The following PLD1 variants were observed in gnomAD, a reference collection of about 807,000 sequenced individuals.
PLD1 encodes phospholipase D1.
PLD1 carries 112 observed loss-of-function variants against 137.1 expected under a neutral mutation model. That is an observed-to-expected ratio of 0.82 (90% CI 0.70 to 0.96). PLD1 has a LOEUF of 0.96. Ranked by LOEUF, PLD1 falls within the 40% of genes least tolerant of loss-of-function variation. PLD1 has a pLI of 0.00. For missense variants in PLD1, 1,321 were observed against 1,342.0 expected, an observed-to-expected ratio of 0.98 and a Z score of 0.24; for synonymous variants, 431 against 454.7, an observed-to-expected ratio of 0.95 and a Z score of 0.66.
intron 1 of PLD1, chr3:171,793,050 G>C: frequency 1.8e-5 from 4 of 226,864 alleles, no homozygotes; most frequent in South Asian, 1.2e-4. Context: ...AGTGAAATTT[G>C]CGTGATCTCC....
intron 19 of PLD1, among the ~76,000 whole-genome samples, chr3:171,666,493 T>C (rs1288998456): frequency 6.6e-6 from 1 of 152,254 alleles, no homozygotes; most frequent in Non-Finnish European, 1.5e-5. Context: ...TTATTACAAC[T>C]CAAGGTGAGA....
Position 171,620,768 on chromosome 3 carries a change from ATT to A in PLD1, c.2594-250_2594-249del, listed in dbSNP as rs1491153068. On this transcript the variant is annotated intron_variant, in intron 23 of 26. Coordinates refer to ENST00000351298, the MANE Select transcript of PLD1 (RefSeq NM_002662.5). Reference sequence around the variant, plus strand: ...TATATATATATATATATATATATATATTATATATATTTTTTTTTTAATTGAAG... The same window carrying A: ...TATATATATATATATATATATATATAATATATATTTTTTTTTTAATTGAAG... Among the ~76,000 whole-genome samples, 201 of 97,892 alleles carry A rather than the reference ATT, an allele frequency of 2.1e-3. 1 individual carries two copies. Among genetic ancestry groups the A allele is most frequent in the East Asian group, 9.9e-3 (31 of 3,142 alleles). 64.2% of individuals were successfully genotyped at this position (97,892 alleles called of 152,430 possible).
intron 24 of PLD1, among the ~76,000 whole-genome samples, chr3:171,615,881 G>A (rs959942788): frequency 3.6e-4 from 55 of 152,166 alleles, no homozygotes; most frequent in African/African-American, 1.3e-3. Context: ...TCTGTATGTA[G>A]GCGTGGGTTG....
At chr3:171,763,945 T>C (rs1721630147) in intron 1 of PLD1, among the ~76,000 whole-genome samples, 1 of 151,248 alleles carries the variant, frequency 6.6e-6, no homozygotes, top group Non-Finnish European at 1.5e-5. Flanking sequence ...TCAGACATCA[T>C]TAGGTAAATG....
chr3:171,692,110 T>C (rs1715220258), intron 13 of PLD1, among the ~76,000 whole-genome samples: 1 of 152,142 alleles, frequency 6.6e-6, no homozygotes, highest in South Asian at 2.1e-4. Flanking sequence ...TCACTTTCAA[T>C]TATCAGAGTC....
At position 171,737,561 on chromosome 3, in the gene PLD1, C is replaced by T. The variant is rs777673202; in HGVS notation, c.259G>A (p.Glu87Lys). 1.2e-6 allele frequency: 2 copies of T among 1,612,056 alleles called. No individual in the cohort carries two copies. The highest frequency in any genetic ancestry group is 1.7e-6 in the Non-Finnish European group (2 of 1,179,530). ...SGCPIKAQVLEVERFTSTTRV... is the reference protein window; with the variant it reads ...SGCPIKAQVLKVERFTSTTRV... Reference sequence around the variant, plus strand: ...GTTGTAGATGTGAAGCGTTCCACTTCCAGAACTTGTGCTTTTATTGGACAG... The same window carrying T: ...GTTGTAGATGTGAAGCGTTCCACTTTCAGAACTTGTGCTTTTATTGGACAG... Residue 87 changes from glutamate (E) to lysine (K), a missense_variant, in exon 3 of 27, where the codon GAA (glutamate) becomes AAA (lysine). Glu to Lys is a moderately conservative substitution (Grantham distance 56). Transcript: ENST00000351298.
At chr3:171,631,232 T>C (rs546018294) in intron 23 of PLD1, among the ~76,000 whole-genome samples, 7 of 152,078 alleles carry the variant, frequency 4.6e-5, no homozygotes, top group Admixed American at 6.6e-5. Flanking sequence ...CTCTAGTAAG[T>C]AGATTCATTT....
At chr3:171,628,521 A>G (rs1734345621) in intron 23 of PLD1, among the ~76,000 whole-genome samples, 1 of 152,194 alleles carries the variant, frequency 6.6e-6, no homozygotes, top group Admixed American at 6.5e-5. Context: ...TGAGGCCAGC[A>G]TCATCCTGAT....
At chr3:171,730,219 A>AT (rs1244755844) in intron 6 of PLD1, among the ~76,000 whole-genome samples, 1 of 152,132 alleles carries the variant, frequency 6.6e-6, no homozygotes, top group Non-Finnish European at 1.5e-5. Flanking sequence ...CTTGTTTGAG[A>AT]TTTTTTTGTA....
At chr3:171,667,701 C>T (rs1335671902) in intron 19 of PLD1, among the ~76,000 whole-genome samples, 1 of 152,168 alleles carries the variant, frequency 6.6e-6, no homozygotes, top group African/African-American at 2.4e-5. Context: ...GTATCCATAG[C>T]TAATTAACCT....
At chr3:171,782,494 C>T (rs1357031477) in intron 1 of PLD1, among the ~76,000 whole-genome samples, 4 of 152,174 alleles carry the variant, frequency 2.6e-5, no homozygotes, top group Non-Finnish European at 1.5e-5. Context: ...ATGCCTGCAA[C>T]TTACTTTAAA....
intron 1 of PLD1, among the ~76,000 whole-genome samples, chr3:171,766,060 C>A (rs897892507): frequency 6.6e-6 from 1 of 152,158 alleles, no homozygotes; most frequent in Non-Finnish European, 1.5e-5. Flanking sequence ...TAAAATGATT[C>A]TGTCCTTTAT....
chr3:171,652,287 C>A (rs936103689), intron 21 of PLD1, among the ~76,000 whole-genome samples: 1 of 151,990 alleles, frequency 6.6e-6, no homozygotes, highest in African/African-American at 2.4e-5. Context: ...GTGGCAGGCA[C>A]CTGTAGTCCC....
chr3:171,642,748 T>G (rs1735873797), intron 23 of PLD1, 92 bp downstream of exon 23: 1 of 725,680 alleles, frequency 1.4e-6, no homozygotes, highest in Non-Finnish European at 2.4e-6. Flanking sequence ...ATAAACAGAG[T>G]TCTATAATCA....
intron 24 of PLD1, among the ~76,000 whole-genome samples, chr3:171,616,616 TG>T (rs780105642): frequency 1.3e-5 from 2 of 152,148 alleles, no homozygotes; most frequent in Non-Finnish European, 2.9e-5. Context: ...TTGAGACTTT[TG>T]GGGATTTTCA....
intron 8 of PLD1, among the ~76,000 whole-genome samples, chr3:171,718,389 G>A (rs138255652): frequency 1.0e-3 from 153 of 152,202 alleles, no homozygotes; most frequent in Middle Eastern, 3.4e-3. Flanking sequence ...TCTATAAGAC[G>A]TACAAAGAAG....
chr3:171,606,224 C>A (rs959556203), intron 25 of PLD1, among the ~76,000 whole-genome samples: 5 of 152,126 alleles, frequency 3.3e-5, no homozygotes, highest in Non-Finnish European at 5.9e-5. Context: ...TTGTCTTGAG[C>A]AACTATAATA....
At chr3:171,646,882 G>A (rs1181955345) in intron 21 of PLD1, among the ~76,000 whole-genome samples, 1 of 152,116 alleles carries the variant, frequency 6.6e-6, no homozygotes, top group Non-Finnish European at 1.5e-5. Context: ...CCTTTGTTCA[G>A]AGGTACACCT....
At chr3:171,788,555 AAG>A (rs1340767141) in intron 1 of PLD1, 14 of 152,204 alleles carry the variant, frequency 9.2e-5, no homozygotes, top group Admixed American at 6.5e-5. Flanking sequence ...AACTCAAGCC[AAG>A]AGACAATATA....
Sources: gnomAD v4.1 joint callset for allele counts (sites outside exome capture counted in the v4.1 genomes callset) on GRCh38, gnomAD v4.1.1 for gene constraint, MANE v1.5 for transcripts, NCBI Gene and HGNC (gene_info 2026-07-23, HGNC 2026-07-21) for gene names.